CCDC146: variants seen among roughly 807,000 people sequenced by gnomAD.
CCDC146 encodes coiled-coil domain containing 146.
Under a neutral mutation model 119.3 loss-of-function variants are expected in CCDC146, and 92 were observed. That is an observed-to-expected ratio of 0.77 (90% CI 0.65 to 0.92). The LOEUF is 0.92. CCDC146 is among the 40% of genes least tolerant of loss of function. CCDC146 has a pLI of 0.00. For missense variants in CCDC146, 1,000 were observed against 1,103.0 expected (o/e 0.91, Z 1.32); for synonymous variants, 372 against 371.8 (o/e 1.00, Z -0.01).
At chr7:77,173,155 C>T (rs1363662469) in intron 2 of CCDC146, among the ~76,000 whole-genome samples, 4 of 152,032 alleles carry the variant, frequency 2.6e-5, no homozygotes, top group Non-Finnish European at 5.9e-5. Context: ...CCATGGCACA[C>T]GTAGACCTAT....
Position 77,294,822 on chromosome 7 carries a change from A to G in CCDC146, c.2824A>G (p.Met942Val). 6.2e-7 allele frequency: 1 copy of G among 1,614,182 alleles called. No homozygotes were observed. Among genetic ancestry groups the G allele is most frequent in the Non-Finnish European group, 8.5e-7 (1 of 1,180,040 alleles). ...PFKPSEPGANMRHIRKPVIKP... is the reference protein window; with the variant it reads ...PFKPSEPGANVRHIRKPVIKP... ...TAAACCCAGTGAACCTGGAGCCAAT[A>G]TGAGGCACATAAGGAAACCTGTTAT... Residue 942 changes from methionine (M) to valine (V), a missense_variant, in exon 19 of 19, where the codon ATG becomes GTG. Met to Val is a conservative substitution (Grantham distance 21). Around this residue, in one of 2 missense-constraint regions of CCDC146, gnomAD observed 985 missense variants for 1,045.3 expected, o/e 0.94. Coordinates refer to ENST00000285871, the MANE Select transcript of CCDC146 (RefSeq NM_020879.3).
chr7:77,172,995 A>C (rs1273283987), intron 2 of CCDC146, among the ~76,000 whole-genome samples: 1 of 151,998 alleles, frequency 6.6e-6, no homozygotes, highest in African/African-American at 2.4e-5. Context: ...CACTTGACTA[A>C]TCAGCATAAA....
At chr7:77,290,093 G>A (rs1793917775) in intron 17 of CCDC146, among the ~76,000 whole-genome samples, 1 of 152,110 alleles carries the variant, frequency 6.6e-6, no homozygotes, top group Admixed American at 6.5e-5. Context: ...CCTTTGTAGG[G>A]ACATGGATGA....
chr7:77,197,057 G>C, intron 2 of CCDC146: 2 of 913,606 alleles, frequency 2.2e-6, no homozygotes, highest in East Asian at 4.9e-5. Context: ...TTCTTTATAT[G>C]TACAAAAGCA....
At chr7:77,261,678 C>T (rs954651289) in intron 8 of CCDC146, among the ~76,000 whole-genome samples, 6 of 152,046 alleles carry the variant, frequency 3.9e-5, no homozygotes, top group Admixed American at 3.3e-4. Context: ...GGGGTTTCAC[C>T]GTGTTAGCCA....
chr7:77,138,911 T>C (rs1584017703), intron 1 of CCDC146, among the ~76,000 whole-genome samples: 1 of 152,256 alleles, frequency 6.6e-6, no homozygotes, highest in Non-Finnish European at 1.5e-5. Flanking sequence ...CATGTATTGC[T>C]GTGAAAGTGC....
At chr7:77,256,258 A>C in intron 5 of CCDC146, 75 bp from the exon 6 acceptor site, 2 of 1,007,174 alleles carry the variant, frequency 2.0e-6, no homozygotes, top group Non-Finnish European at 2.9e-6. Context: ...GGGTGAAATT[A>C]GTTTTAGTTC....
At chr7:77,145,667 C>T (rs1584022889) in intron 1 of CCDC146, among the ~76,000 whole-genome samples, 2 of 152,092 alleles carry the variant, frequency 1.3e-5, no homozygotes, top group South Asian at 2.1e-4. Flanking sequence ...GCCTTCACTT[C>T]GTTATGTACC....
chr7:77,273,506 T>TTTTA (rs150662330), intron 9 of CCDC146, among the ~76,000 whole-genome samples, 188 bp from the exon 10 acceptor site: 3,365 of 149,716 alleles, frequency 0.022, 83 homozygotes, highest in African/African-American at 0.062. Context: ...CAGCAGTGAA[T>TTTTA]TTTATTTATT....
chr7:77,183,320 C>T (rs1791617428), intron 2 of CCDC146, among the ~76,000 whole-genome samples: 1 of 151,954 alleles, frequency 6.6e-6, no homozygotes, highest in Non-Finnish European at 1.5e-5. Flanking sequence ...ACCCAGTATC[C>T]CATCATCACC....
At chr7:77,137,081 G>A (rs988775973) in intron 1 of CCDC146, among the ~76,000 whole-genome samples, 10 of 152,158 alleles carry the variant, frequency 6.6e-5, no homozygotes, top group South Asian at 2.1e-4. Context: ...AAAACTCTGA[G>A]TAAACTAGGA....
At chr7:77,208,330 A>C (rs999769187) in intron 2 of CCDC146, among the ~76,000 whole-genome samples, 2 of 152,216 alleles carry the variant, frequency 1.3e-5, no homozygotes, top group Non-Finnish European at 2.9e-5. Context: ...AATATCATAG[A>C]GTACACTTAA....
At chr7:77,144,377 C>G (rs1388920095) in intron 1 of CCDC146, among the ~76,000 whole-genome samples, 1 of 151,770 alleles carries the variant, frequency 6.6e-6, no homozygotes, top group Non-Finnish European at 1.5e-5. Flanking sequence ...GACAATTTGA[C>G]TTCCTCTTTT....
chr7:77,259,117 G>A, intron 7 of CCDC146, 49 bp downstream of exon 7: 1 of 1,067,028 alleles, frequency 9.4e-7, no homozygotes, highest in Non-Finnish European at 1.4e-6. Flanking sequence ...CAAGTTATGT[G>A]TGCACACTAG....
intron 11 of CCDC146, among the ~76,000 whole-genome samples, chr7:77,278,435 A>ATTTTTTTTTTTTT: frequency 9.7e-6 from 1 of 103,352 alleles, no homozygotes; most frequent in African/African-American, 4.3e-5. Context: ...CCAAGAAATA[A>ATTTTTTTTTTTTT]TTTTTTTTTT....
rs781294836 is a variant in CCDC146 at position 77,273,780 on chromosome 7, G to A, written c.1260G>A (p.Leu420=). The change falls in exon 10 of 19, where the codon TTG becomes TTA. Residue 420 remains leucine, a synonymous_variant. Transcript: ENST00000285871. ...AAGTTGAAGTAGCTAAGAGGAATTTGGCCCAACAGGTTAATATCAATGCTC... is the reference window on the plus strand; with the variant it reads ...AAGTTGAAGTAGCTAAGAGGAATTTAGCCCAACAGGTTAATATCAATGCTC... ...HKEVEVAKRN[L]AQQKIISEME... The A allele has an allele frequency of 6.2e-6, 10 of 1,606,220 alleles. No homozygotes were observed. The highest frequency in any genetic ancestry group is 4.0e-5 in the African/African-American group (3 of 74,702).
intron 1 of CCDC146, among the ~76,000 whole-genome samples, chr7:77,161,098 C>T (rs1377137240): frequency 4.6e-5 from 7 of 152,198 alleles, no homozygotes; most frequent in Non-Finnish European, 7.3e-5. Context: ...TACCATCTCA[C>T]ACCAGTTAGA....
At chr7:77,284,655 A>G (rs919101163) in intron 15 of CCDC146, among the ~76,000 whole-genome samples, 6 of 151,594 alleles carry the variant, frequency 4.0e-5, no homozygotes, top group Non-Finnish European at 7.4e-5. Context: ...TTGTCATTTT[A>G]TTATATAAAA....
intron 8 of CCDC146, among the ~76,000 whole-genome samples, chr7:77,261,570 C>T (rs956036112): frequency 1.3e-5 from 2 of 152,136 alleles, no homozygotes; most frequent in Non-Finnish European, 2.9e-5. Context: ...CTCCGCTTCC[C>T]GGGTTCACGC....
Sources: gnomAD v4.1 joint callset for allele counts (sites outside exome capture counted in the v4.1 genomes callset) on GRCh38, gnomAD v4.1.1 for gene constraint, gnomAD v4.1.1 regional missense constraint, MANE v1.5 for transcripts, NCBI Gene and HGNC (gene_info 2026-07-23, HGNC 2026-07-21) for gene names.